The following DISC1 variants were observed in gnomAD, a reference collection of about 807,000 sequenced individuals.
DISC1 encodes the protein DISC1 scaffold protein, also known as disrupted in schizophrenia 1 protein.
A neutral mutation model predicts 84.5 loss-of-function variants in DISC1; 57 were observed. The observed-to-expected ratio is 0.67, with a 90% CI of 0.55 to 0.84. The LOEUF (loss-of-function observed/expected upper bound fraction) is 0.84. Ranked by LOEUF, DISC1 falls within the 40% of genes least tolerant of loss-of-function variation. The pLI is 0.00. For synonymous variants in DISC1, 411 were observed against 415.2 expected, an observed-to-expected ratio of 0.99 and a Z score of 0.12; for missense variants, 1,000 against 1,057.8, an observed-to-expected ratio of 0.95 and a Z score of 0.76.
At chr1:231,866,182 C>G (rs561588200) in intron 9 of DISC1, among the ~76,000 whole-genome samples, 7 of 152,066 alleles carry the variant, frequency 4.6e-5, no homozygotes, top group African/African-American at 1.7e-4. Context: ...ACCCCCTGCA[C>G]GTGCAGAGCA....
chr1:231,704,044 A>G (rs180964978), intron 3 of DISC1, among the ~76,000 whole-genome samples: 1 of 152,222 alleles, frequency 6.6e-6, no homozygotes, highest in African/African-American at 2.4e-5. Flanking sequence ...TGGTAGGCAC[A>G]GGACACACGA....
intron 10 of DISC1, among the ~76,000 whole-genome samples, chr1:232,005,330 A>C (rs993468253): frequency 2.0e-5 from 3 of 152,082 alleles, no homozygotes; most frequent in Non-Finnish European, 2.9e-5. Context: ...AAATAATTGC[A>C]TAGTTCTAGA....
chr1:231,920,489 G>T (rs1572063324), intron 9 of DISC1, among the ~76,000 whole-genome samples: 1 of 152,060 alleles, frequency 6.6e-6, no homozygotes, highest in East Asian at 1.9e-4. Context: ...GACTCTTCTG[G>T]GTATCTCATG....
At chr1:231,689,677 A>G (rs2064750180) in intron 1 of DISC1, among the ~76,000 whole-genome samples, 1 of 152,192 alleles carries the variant, frequency 6.6e-6, no homozygotes, top group Non-Finnish European at 1.5e-5. Flanking sequence ...TTAAGATTTC[A>G]TATTTAAAAA....
intron 9 of DISC1, among the ~76,000 whole-genome samples, chr1:231,899,906 A>G (rs1474936345): frequency 6.6e-6 from 1 of 152,198 alleles, no homozygotes; most frequent in Non-Finnish European, 1.5e-5. Flanking sequence ...CAAAATAGAC[A>G]CATAATATAT....
chr1:231,773,663 C>T lies in DISC1; in HGVS notation c.1634+2593C>T, dbSNP rs573448306. Among the ~76,000 whole-genome samples the T allele has an allele frequency of 7.9e-5, 12 of 152,254 alleles. No homozygotes were observed. In the East Asian group the frequency reaches 1.2e-3, roughly 15 times the overall value. ...CCTCCCAAAGTGCTGAGATTACAGG[C>T]GTGAGCCACTGCGCCCAGCCAATTG... On this transcript the variant is annotated intron_variant, in intron 6 of 12. Transcript: ENST00000439617.
At chr1:231,872,369 C>G (rs1214489278) in intron 9 of DISC1, among the ~76,000 whole-genome samples, 2 of 152,006 alleles carry the variant, frequency 1.3e-5, no homozygotes, top group Non-Finnish European at 2.9e-5. Context: ...ACTCCTAACT[C>G]CTTTTATTGA....
intron 10 of DISC1, among the ~76,000 whole-genome samples, chr1:232,008,266 T>C (rs772394992): frequency 6.6e-6 from 1 of 152,028 alleles, no homozygotes; most frequent in Admixed American, 6.6e-5. Context: ...TACTCTGAAA[T>C]AAAAGTAAAA....
At chr1:231,819,022 C>A (rs766865009) in intron 9 of DISC1, 5 of 994,302 alleles carry the variant, frequency 5.0e-6, no homozygotes, top group Non-Finnish European at 6.0e-6. Flanking sequence ...AAAGTGTCTG[C>A]TTGTCAGAGG....
intron 9 of DISC1, among the ~76,000 whole-genome samples, chr1:231,840,087 A>T (rs2082926481): frequency 1.3e-5 from 2 of 152,318 alleles, no homozygotes; most frequent in Non-Finnish European, 2.9e-5. Context: ...AAAAAAACCC[A>T]AACATTGCAC....
At chr1:231,800,057 C>G (rs535339090) in intron 7 of DISC1, 51 bp from the exon 8 acceptor site, 14 of 1,458,134 alleles carry the variant, frequency 9.6e-6, no homozygotes, top group East Asian at 2.3e-5. Context: ...CCACTGCCTT[C>G]TGATTTTTAG....
At chr1:231,951,101 C>T (rs372369114) in intron 9 of DISC1, among the ~76,000 whole-genome samples, 34 of 152,312 alleles carry the variant, frequency 2.2e-4, no homozygotes, top group Middle Eastern at 3.4e-3. Flanking sequence ...GATGATGTCC[C>T]AGTTCTGAAA....
intron 7 of DISC1, 47 bp from the exon 8 acceptor site, chr1:231,800,061 T>A: frequency 2.0e-6 from 3 of 1,495,602 alleles, no homozygotes; most frequent in Non-Finnish European, 2.8e-6. Context: ...TGCCTTCTGA[T>A]TTTTAGCTGA....
chr1:231,932,866 G>A (rs1321604092), intron 9 of DISC1, among the ~76,000 whole-genome samples: 2 of 152,128 alleles, frequency 1.3e-5, no homozygotes, highest in Non-Finnish European at 2.9e-5. Context: ...CTGGCAGCCT[G>A]TGAAAAAAAT....
rs184818334 is a variant in DISC1 at position 231,713,841 on chromosome 1, G to T, written c.1117+11817G>T. Among the ~76,000 whole-genome samples, 543 of 132,728 alleles carry T rather than the reference G, an allele frequency of 4.1e-3. 7 individuals carry two copies. Among genetic ancestry groups the T allele is most frequent in the African/African-American group, 0.013 (483 of 37,234 alleles). The allele number at this position is 132,728 out of a possible 152,430, so 87.1% of individuals were successfully genotyped here. A position where few individuals can be genotyped will look rare whatever the true frequency, so the allele number is the denominator to read the frequency against. ...ATATATAGGAGAGATATATATAGGA[G>T]ATATATATATATATAGGAGATATAT... On this transcript the variant is annotated intron_variant, in intron 3 of 12. Coordinates refer to ENST00000439617, the MANE Select transcript of DISC1 (RefSeq NM_018662.3).
chr1:231,805,916 A>G (rs2079673448), intron 8 of DISC1, among the ~76,000 whole-genome samples: 1 of 152,172 alleles, frequency 6.6e-6, no homozygotes, highest in African/African-American at 2.4e-5. Flanking sequence ...TAGTAGAGAG[A>G]AACTTGGGCT....
At chr1:231,892,613 C>G (rs747682215) in intron 9 of DISC1, among the ~76,000 whole-genome samples, 2 of 151,332 alleles carry the variant, frequency 1.3e-5, no homozygotes, top group Non-Finnish European at 2.9e-5. Context: ...ACAAGTGAGA[C>G]GTGATCTTCA....
intron 9 of DISC1, among the ~76,000 whole-genome samples, chr1:231,924,612 G>A (rs1428589988): frequency 2.6e-5 from 4 of 152,086 alleles, no homozygotes; most frequent in African/African-American, 4.8e-5. Context: ...ATTCTGAAGA[G>A]TGAAGTTACT....
intron 3 of DISC1, 104 bp downstream of exon 3, chr1:231,702,128 G>A: frequency 6.7e-7 from 1 of 1,489,972 alleles, no homozygotes. Flanking sequence ...TGTACAATCT[G>A]TTCCTCTGAT....
Sources: gnomAD v4.1 joint callset for allele counts (sites outside exome capture counted in the v4.1 genomes callset) on GRCh38, gnomAD v4.1.1 for gene constraint, MANE v1.5 for transcripts, NCBI Gene and HGNC (gene_info 2026-07-23, HGNC 2026-07-21) for gene names.